CYTH3: variants seen among roughly 807,000 people sequenced by gnomAD.
CYTH3 encodes cytohesin 3.
In CYTH3, 23 loss-of-function variants were observed where a neutral mutation model predicts 55.1. The ratio of observed to expected loss-of-function variants is 0.42; its 90% CI spans 0.30 to 0.59. The LOEUF (loss-of-function observed/expected upper bound fraction) is 0.59. Among genes scored for constraint, CYTH3 ranks in the 20% least tolerant of loss-of-function variants. CYTH3 has a pLI of 0.20. For synonymous variants in CYTH3, 249 were observed against 194.9 expected, an observed-to-expected ratio of 1.28 and a Z score of -2.31; for missense variants, 413 against 524.8, an observed-to-expected ratio of 0.79 and a Z score of 2.08.
rs554798571 is a variant in CYTH3 at position 6,251,468 on chromosome 7, C to T, written c.34+21006G>A. ...TCAAAACGTGTGAGAAGCATGGAGA[C>T]GGAACCCTCTCAGTGTAAAATAGGA... On this transcript the variant is annotated intron_variant, in intron 1 of 12. Transcript: ENST00000350796. Among the ~76,000 whole-genome samples, 227 of 151,838 alleles carry T rather than the reference C, an allele frequency of 1.5e-3. 2 individuals carry two copies. Among genetic ancestry groups the T allele is most frequent in the Middle Eastern group, 3.4e-3 (1 of 294 alleles).
chr7:6,241,055 G>C (rs867769428), intron 1 of CYTH3, among the ~76,000 whole-genome samples: 1 of 152,106 alleles, frequency 6.6e-6, no homozygotes, highest in African/African-American at 2.4e-5. Context: ...CTGGGAGGCG[G>C]AGGTTGCAGT....
intron 1 of CYTH3, among the ~76,000 whole-genome samples, chr7:6,209,507 A>C (rs549380249): frequency 6.6e-6 from 1 of 152,318 alleles, no homozygotes; most frequent in East Asian, 1.9e-4. Context: ...GCAGCTTCAC[A>C]AATGCACGTG....
chr7:6,199,708 T>A (rs563336158), intron 1 of CYTH3, among the ~76,000 whole-genome samples: 2 of 152,292 alleles, frequency 1.3e-5, no homozygotes, highest in African/African-American at 2.4e-5. Flanking sequence ...ACAATGAAAG[T>A]CTTGTAAATG....
intron 1 of CYTH3, among the ~76,000 whole-genome samples, chr7:6,215,589 C>CAAAAAAAAAA (rs35017027): frequency 1.6e-5 from 1 of 61,458 alleles, no homozygotes. Context: ...GTCTCCATCT[C>CAAAAAAAAAA]AAAAAAAAAA....
intron 1 of CYTH3, 65 bp downstream of exon 1, chr7:6,272,409 C>CGGGGGGGGGGGGGG: frequency 2.6e-5 from 31 of 1,212,312 alleles, no homozygotes; most frequent in African/African-American, 4.9e-5. Context: ...GCCGCGCCCT[C>CGGGGGGGGGGGGGG]GACCCCCAGC....
chr7:6,207,771 G>C (rs939172264), intron 1 of CYTH3, among the ~76,000 whole-genome samples: 1 of 152,148 alleles, frequency 6.6e-6, no homozygotes, highest in Non-Finnish European at 1.5e-5. Context: ...GCAACATGGT[G>C]AAACTCCATC....
chr7:6,186,798 G>C (rs1562885879), intron 4 of CYTH3, among the ~76,000 whole-genome samples: 1 of 152,210 alleles, frequency 6.6e-6, no homozygotes, highest in Non-Finnish European at 1.5e-5. Context: ...AGCCGTGCCT[G>C]TGAGGCTGCT....
intron 1 of CYTH3, among the ~76,000 whole-genome samples, chr7:6,268,375 G>A (rs117900003): frequency 6.6e-6 from 1 of 152,082 alleles, no homozygotes; most frequent in African/African-American, 2.4e-5. Context: ...TCACCATGCT[G>A]CCCAGGCTGG....
At chr7:6,187,990 A>T (rs1434790464) in intron 2 of CYTH3, among the ~76,000 whole-genome samples, 2 of 150,776 alleles carry the variant, frequency 1.3e-5, no homozygotes, top group Non-Finnish European at 2.9e-5. Flanking sequence ...TTTGTATATA[A>T]AATCAGGCAA....
At chr7:6,222,293 G>C (rs1160067406) in intron 1 of CYTH3, among the ~76,000 whole-genome samples, 1 of 152,210 alleles carries the variant, frequency 6.6e-6, no homozygotes, top group South Asian at 2.1e-4. Flanking sequence ...TACCAAATGA[G>C]CACCTGTCGA....
intron 1 of CYTH3, among the ~76,000 whole-genome samples, chr7:6,258,545 T>G (rs1236723600): frequency 6.6e-6 from 1 of 152,154 alleles, no homozygotes; most frequent in African/African-American, 2.4e-5. Flanking sequence ...TGGGTAAATA[T>G]GTAAACAATT....
Position 6,267,385 on chromosome 7 carries a change from GA to G in CYTH3, c.34+5088del, listed in dbSNP as rs1185136894. On this transcript the variant is annotated intron_variant, in intron 1 of 12. Coordinates refer to ENST00000350796, the MANE Select transcript of CYTH3 (RefSeq NM_004227.4). ...AACATTTGAGTAAATGACTACAAAA[GA>G]ATATACTCTAAGCATAATCTAAAAG... Among the ~76,000 whole-genome samples, 27 of 152,290 alleles carry G rather than the reference GA, an allele frequency of 1.8e-4. 1 individual carries two copies. The South Asian group carries it at 2.1e-3, about 12-fold the overall frequency.
At chr7:6,186,579 G>A (rs960455433) in intron 4 of CYTH3, among the ~76,000 whole-genome samples, 10 of 152,206 alleles carry the variant, frequency 6.6e-5, no homozygotes, top group African/African-American at 2.2e-4. Flanking sequence ...TTTTTAAGGT[G>A]AATGGAGGAA....
At chr7:6,227,770 A>G (rs1316980928) in intron 1 of CYTH3, among the ~76,000 whole-genome samples, 1 of 152,260 alleles carries the variant, frequency 6.6e-6, no homozygotes, top group Non-Finnish European at 1.5e-5. Flanking sequence ...GTTCCAGGCC[A>G]ATACGATATC....
intron 5 of CYTH3, among the ~76,000 whole-genome samples, chr7:6,175,822 C>T (rs368820432): frequency 6.6e-6 from 1 of 152,162 alleles, no homozygotes; most frequent in Non-Finnish European, 1.5e-5. Context: ...GCTGGGATTA[C>T]AGAGTGAGTC....
chr7:6,227,009 G>A (rs1247448958), intron 1 of CYTH3, among the ~76,000 whole-genome samples: 1 of 151,946 alleles, frequency 6.6e-6, no homozygotes, highest in Non-Finnish European at 1.5e-5. Context: ...GAACCCGGGA[G>A]GCGGAGCTTG....
intron 1 of CYTH3, among the ~76,000 whole-genome samples, chr7:6,196,868 A>G (rs1252231024): frequency 6.6e-6 from 1 of 152,234 alleles, no homozygotes; most frequent in Non-Finnish European, 1.5e-5. Flanking sequence ...CAAGTCTGTC[A>G]ACAACATTTA....
At chr7:6,256,011 C>T (rs541382186) in intron 1 of CYTH3, among the ~76,000 whole-genome samples, 1 of 152,160 alleles carries the variant, frequency 6.6e-6, no homozygotes, top group Non-Finnish European at 1.5e-5. Context: ...GATCCACCCA[C>T]CTCGGCCTCC....
chr7:6,224,638 C>A (rs1223652787), intron 1 of CYTH3, among the ~76,000 whole-genome samples: 9 of 152,278 alleles, frequency 5.9e-5, no homozygotes, highest in Non-Finnish European at 8.8e-5. Flanking sequence ...CCATTTTTGT[C>A]GCTGTGGAAT....
Sources: gnomAD v4.1 joint callset for allele counts (sites outside exome capture counted in the v4.1 genomes callset) on GRCh38, gnomAD v4.1.1 for gene constraint, MANE v1.5 for transcripts, NCBI Gene and HGNC (gene_info 2026-07-23, HGNC 2026-07-21) for gene names.